DCDC1: variants seen among roughly 807,000 people sequenced by gnomAD.
DCDC1 encodes the protein doublecortin domain containing 1.
Under a neutral mutation model 178.3 loss-of-function variants are expected in DCDC1, and 200 were observed. The observed-to-expected ratio is 1.12, with a 90% CI of 1.00 to 1.26. The LOEUF (loss-of-function observed/expected upper bound fraction) is 1.26, where lower values mean the gene tolerates loss of function less well. Ranked by LOEUF, DCDC1 falls within the 50% of genes most tolerant of loss-of-function variation. The probability of loss-of-function intolerance (pLI) is 0.00; values close to 1 mark genes in which losing one functional copy is unlikely to be tolerated. For missense variants in DCDC1, 1,983 were observed against 1,749.2 expected (o/e 1.13, Z -2.38); for synonymous variants, 690 against 604.8 (o/e 1.14, Z -2.07).
intron 20 of DCDC1, among the ~76,000 whole-genome samples, chr11:31,040,318 T>C (rs746631762): frequency 6.6e-6 from 1 of 152,200 alleles, no homozygotes; most frequent in South Asian, 2.1e-4. Context: ...ATTTGCACAA[T>C]GGATCTCAGA....
intron 20 of DCDC1, among the ~76,000 whole-genome samples, chr11:31,058,568 C>A (rs1955733461): frequency 6.6e-6 from 1 of 151,884 alleles, no homozygotes; most frequent in African/African-American, 2.4e-5. Flanking sequence ...GTGACTAGAG[C>A]AGAGGAAGGG....
At chr11:31,102,442 G>A (rs1001081095) in intron 14 of DCDC1, among the ~76,000 whole-genome samples, 160 bp from the exon 15 acceptor site, 2 of 152,052 alleles carry the variant, frequency 1.3e-5, no homozygotes, top group African/African-American at 4.8e-5. Flanking sequence ...GCAGTCATTG[G>A]GGAATAAAGC....
intron 1 of DCDC1, among the ~76,000 whole-genome samples, chr11:31,355,937 G>A (rs1223995839): frequency 6.6e-6 from 1 of 152,128 alleles, no homozygotes; most frequent in Non-Finnish European, 1.5e-5. Context: ...TCCCAGGCTA[G>A]TAAGGGAAGA....
intron 20 of DCDC1, among the ~76,000 whole-genome samples, chr11:31,027,617 T>C (rs1426543016): frequency 6.6e-6 from 1 of 151,928 alleles, no homozygotes; most frequent in African/African-American, 2.4e-5. Context: ...AGCAACTTAG[T>C]GACATCTTAA....
chr11:31,281,450 TTTGTTTTTTTA>T (rs1466414136), intron 7 of DCDC1, among the ~76,000 whole-genome samples: 1 of 152,126 alleles, frequency 6.6e-6, no homozygotes, highest in African/African-American at 2.4e-5. Flanking sequence ...AAAATTTTTT[TTTGTTTTTTTA>T]ATAAGTGAAT....
Position 30,887,402 on chromosome 11 carries a change from TTTTTTAGTTTTAA to T in DCDC1, c.5082+5403_5082+5415del, listed in dbSNP as rs1426355393. Among the ~76,000 whole-genome samples the T allele has an allele frequency of 7.9e-5, 12 of 152,330 alleles. 1 individual carries two copies. The Middle Eastern group carries it at 0.02, about 259-fold the overall frequency. ...AGGCACTAAAGCAGGTTAGTAATGC[TTTTTTAGTTTTAA>T]ATTGGCTTCTTTTAACAGATCAACG... On this transcript the variant is annotated intron_variant, in intron 36 of 38. Coordinates refer to ENST00000684477, the MANE Select transcript of DCDC1 (RefSeq NM_001387274.1).
intron 9 of DCDC1, among the ~76,000 whole-genome samples, chr11:31,185,134 T>TCA (rs1969319524): frequency 6.6e-6 from 1 of 152,180 alleles, no homozygotes; most frequent in South Asian, 2.1e-4. Context: ...CTGGAAACCA[T>TCA]CATTCTCAGC....
At chr11:30,865,576 T>C (rs1263794214) in intron 38 of DCDC1, among the ~76,000 whole-genome samples, 1 of 152,156 alleles carries the variant, frequency 6.6e-6, no homozygotes, top group Non-Finnish European at 1.5e-5. Flanking sequence ...GATAAAATTT[T>C]ATCAATGTTA....
chr11:30,980,544 AT>A (rs1433134858), intron 20 of DCDC1, among the ~76,000 whole-genome samples: 2 of 152,160 alleles, frequency 1.3e-5, no homozygotes, highest in Admixed American at 6.6e-5. Context: ...GTGGCTGTGA[AT>A]TTGGAAGCCC....
intron 8 of DCDC1, among the ~76,000 whole-genome samples, chr11:31,247,561 A>C (rs1475629053): frequency 1.3e-5 from 2 of 151,902 alleles, no homozygotes; most frequent in African/African-American, 4.8e-5. Flanking sequence ...TGGAATCTAA[A>C]GGCGATATTC....
intron 9 of DCDC1, among the ~76,000 whole-genome samples, chr11:31,203,446 G>A (rs779065580): frequency 2.6e-5 from 4 of 152,300 alleles, no homozygotes; most frequent in Non-Finnish European, 5.9e-5. Flanking sequence ...GCAGCCACTG[G>A]TTACAGACTG....
At chr11:30,938,006 C>T (rs564684450) in intron 21 of DCDC1, among the ~76,000 whole-genome samples, 10 of 152,184 alleles carry the variant, frequency 6.6e-5, no homozygotes, top group African/African-American at 2.4e-4. Context: ...GGGCTCTGTT[C>T]CTCCTCAATG....
intron 7 of DCDC1, among the ~76,000 whole-genome samples, chr11:31,283,834 T>G (rs1946624725): frequency 6.6e-6 from 1 of 152,130 alleles, no homozygotes; most frequent in Non-Finnish European, 1.5e-5. Flanking sequence ...TTGAGAACTA[T>G]TCTACAAATA....
intron 8 of DCDC1, among the ~76,000 whole-genome samples, chr11:31,256,408 T>C (rs558398767): frequency 6.6e-5 from 10 of 152,202 alleles, no homozygotes; most frequent in Non-Finnish European, 1.3e-4. Flanking sequence ...GGATTTATAC[T>C]ACTCCTTCAG....
chr11:31,290,706 TAAAG>T lies in DCDC1; in HGVS notation c.897_900del (p.Phe299LeufsTer19). 6.2e-7 allele frequency: 1 copy of T among 1,613,500 alleles called. No individual in the cohort carries two copies. The highest frequency in any genetic ancestry group is 8.5e-7 in the Non-Finnish European group (1 of 1,179,544). On this transcript the variant is annotated frameshift_variant, in exon 7 of 39. Coordinates refer to ENST00000684477, the MANE Select transcript of DCDC1 (RefSeq NM_001387274.1). LOFTEE classifies it high-confidence loss of function. Reference sequence around the variant, plus strand: ...TGCCCATCCTGCCCCATGCCATTCTTAAAGAACAGAATTCGGACTGAGGTCCTCT... The same window carrying T: ...TGCCCATCCTGCCCCATGCCATTCTTAACAGAATTCGGACTGAGGTCCTCT...
chr11:30,894,908 C>T (rs932590790), intron 34 of DCDC1, among the ~76,000 whole-genome samples: 1 of 152,120 alleles, frequency 6.6e-6, no homozygotes, highest in Non-Finnish European at 1.5e-5. Context: ...TCTGCTGTGC[C>T]CTTTATGCTG....
chr11:31,062,203 C>T (rs1220447870), intron 20 of DCDC1, among the ~76,000 whole-genome samples: 1 of 152,028 alleles, frequency 6.6e-6, no homozygotes, highest in East Asian at 1.9e-4. Flanking sequence ...GGATGAAAAC[C>T]CAGGATAATA....
intron 20 of DCDC1, among the ~76,000 whole-genome samples, chr11:31,031,613 CTA>C (rs1953650557): frequency 6.6e-6 from 1 of 151,910 alleles, no homozygotes; most frequent in Non-Finnish European, 1.5e-5. Flanking sequence ...AGACAAATCT[CTA>C]TGTCTTATAC....
intron 20 of DCDC1, among the ~76,000 whole-genome samples, chr11:31,056,992 G>A (rs1200111626): frequency 6.6e-6 from 1 of 152,092 alleles, no homozygotes; most frequent in Non-Finnish European, 1.5e-5. Flanking sequence ...AGTACTTTGG[G>A]AGGCTGAGGC....
Sources: gnomAD v4.1 joint callset for allele counts (sites outside exome capture counted in the v4.1 genomes callset) on GRCh38, gnomAD v4.1.1 for gene constraint, MANE v1.5 for transcripts, NCBI Gene and HGNC (gene_info 2026-07-23, HGNC 2026-07-21) for gene names.